FSAF1: variants seen among roughly 807,000 people sequenced by gnomAD.
FSAF1 encodes the protein 40S small subunit processome assembly factor 1.
the FSAF1 span, chr1:231,224,647 G>A: frequency 2.1e-6 from 1 of 481,922 alleles, no homozygotes; most frequent in African/African-American, 2.0e-5. Flanking sequence ...GCTCTTTCCA[G>A]GCTGCCCCTC....
chr1:231,234,812 G>C, the FSAF1 span, among the ~76,000 whole-genome samples: 2 of 152,012 alleles, frequency 1.3e-5, no homozygotes, highest in Non-Finnish European at 2.9e-5. The surrounding 1 kb of genome is among the most constrained non-coding windows in gnomAD (Gnocchi z 4.0). Flanking sequence ...CCAGCTCCTT[G>C]AACACACCAG....
chr1:231,230,376 T>C, the FSAF1 span, among the ~76,000 whole-genome samples: 1 of 152,166 alleles, frequency 6.6e-6, no homozygotes, highest in African/African-American at 2.4e-5. Context: ...TGGCCACTAG[T>C]GTAATGGGCT....
the FSAF1 span, among the ~76,000 whole-genome samples, chr1:231,227,254 A>G: frequency 0.089 from 13,480 of 152,106 alleles, 857 homozygotes; most frequent in East Asian, 0.31. Flanking sequence ...CATCTCTCAC[A>G]ACATCTTTCT....
At chr1:231,235,919 T>C in the FSAF1 span, among the ~76,000 whole-genome samples, 1 of 152,148 alleles carries the variant, frequency 6.6e-6, no homozygotes, top group East Asian at 1.9e-4. Flanking sequence ...TCTGGAAAAA[T>C]AGGGTAATTT....
At chr1:231,226,881 C>T in the FSAF1 span, 1 of 1,590,532 alleles carries the variant, frequency 6.3e-7, no homozygotes, top group African/African-American at 1.3e-5. Context: ...AAAAATGTTC[C>T]AGTGTCCCTT....
At chr1:231,225,176 C>T in the FSAF1 span, 1 of 469,878 alleles carries the variant, frequency 2.1e-6, no homozygotes, top group South Asian at 3.4e-5. Context: ...CCAGACTACG[C>T]TGCTGTAGCA....
chr1:231,235,690 C>A, the FSAF1 span, among the ~76,000 whole-genome samples: 2,959 of 152,174 alleles, frequency 0.019, 105 homozygotes, highest in African/African-American at 0.068. Context: ...ATAGTCTTAG[C>A]TACTTGGGAG....
At chr1:231,230,001 C>T in the FSAF1 span, among the ~76,000 whole-genome samples, 9 of 152,254 alleles carry the variant, frequency 5.9e-5, no homozygotes, top group East Asian at 1.7e-3. Context: ...GTCAATTTTA[C>T]ATTCATGTAT....
the FSAF1 span, chr1:231,225,610 T>C: frequency 4.2e-4 from 474 of 1,141,966 alleles, 1 homozygote; most frequent in African/African-American, 4.2e-3. Context: ...CCAAAAGTCA[T>C]TGAGATACCA....
chr1:231,225,548 T>A, the FSAF1 span: 15 of 1,591,434 alleles, frequency 9.4e-6, no homozygotes, highest in African/African-American at 2.0e-4. Flanking sequence ...TAAGATCATA[T>A]ACATATTAGT....
At chr1:231,241,134 A>AC in the FSAF1 span, 1 of 1,611,080 alleles carries the variant, frequency 6.2e-7, no homozygotes, top group Non-Finnish European at 8.5e-7. Context: ...CGAGGAATCA[A>AC]CCCTCATTCT....
chr1:231,225,537 T>A, the FSAF1 span: 1 of 1,608,000 alleles, frequency 6.2e-7, no homozygotes, highest in African/African-American at 1.3e-5. Context: ...ATTTCAGAAT[T>A]TAAGATCATA....
chr1:231,240,915 T>C, the FSAF1 span: 17 of 953,068 alleles, frequency 1.8e-5, no homozygotes, highest in Non-Finnish European at 2.8e-5. The surrounding 1 kb of genome is among the most constrained non-coding windows in gnomAD (Gnocchi z 4.1). Flanking sequence ...GTGCTTGACA[T>C]GCAAGAACCT....
At chr1:231,228,766 A>G in the FSAF1 span, among the ~76,000 whole-genome samples, 1 of 152,138 alleles carries the variant, frequency 6.6e-6, no homozygotes, top group African/African-American at 2.4e-5. Context: ...ATGGGTGGAT[A>G]ACCTGAGGTC....
the FSAF1 span, chr1:231,237,814 G>A: frequency 1 from 152,115 of 152,384 alleles, 75,924 homozygotes; most frequent in East Asian, 1. Context: ...TTTGCAGGAC[G>A]TGGGGGATGT....
At chr1:231,227,591 T>G in the FSAF1 span, among the ~76,000 whole-genome samples, 12 of 144,806 alleles carry the variant, frequency 8.3e-5, 1 homozygote, top group African/African-American at 2.8e-4. Flanking sequence ...CACGGTTTTT[T>G]TTTTTTTTTT....
chr1:231,224,625 G>A, the FSAF1 span: 1 of 510,602 alleles, frequency 2.0e-6, no homozygotes, highest in African/African-American at 1.9e-5. Context: ...TGCAAGGAAT[G>A]TTCTGCTACC....
the FSAF1 span, among the ~76,000 whole-genome samples, chr1:231,233,515 T>G: frequency 6.6e-6 from 1 of 152,212 alleles, no homozygotes; most frequent in Admixed American, 6.5e-5. Flanking sequence ...AATATTTCTG[T>G]GGCAATATCT....
the FSAF1 span, chr1:231,236,598 CTGTCT>C: frequency 1.3e-5 from 2 of 152,146 alleles, no homozygotes; most frequent in Non-Finnish European, 2.9e-5. Flanking sequence ...CCCAACTCTT[CTGTCT>C]TTTCTATTAA....
Sources: allele counts gnomAD v4.1 joint callset (sites outside exome capture counted in the v4.1 genomes callset), GRCh38; gene constraint gnomAD v4.1.1; non-coding constraint Gnocchi (gnomAD v3.1); transcripts MANE v1.5; gene names NCBI Gene and HGNC (gene_info 2026-07-23, HGNC 2026-07-21).